XYLT1: variants seen among roughly 807,000 people sequenced by gnomAD.
XYLT1 encodes the protein beta-D-xylosyltransferase 1.
A neutral mutation model predicts 91.3 loss-of-function variants in XYLT1; 36 were observed. That is an observed-to-expected ratio of 0.39 (90% confidence interval 0.30 to 0.52). The LOEUF (loss-of-function observed/expected upper bound fraction) is 0.52. Among genes scored for constraint, XYLT1 ranks in the 20% least tolerant of loss-of-function variants. XYLT1 has a pLI of 0.68. For missense variants in XYLT1, 1,242 were observed against 1,284.5 expected (o/e 0.97, Z 0.51); for synonymous variants, 588 against 532.0 (o/e 1.11, Z -1.45).
chr16:17,259,492 A>G lies in XYLT1; in HGVS notation c.409T>C (p.Tyr137His), dbSNP rs772826862. Residue 137 changes from tyrosine to histidine, a missense_variant, in exon 3 of 12, where the codon TAC (tyrosine) becomes CAC (histidine). Around this residue, in one of 3 missense-constraint regions of XYLT1, gnomAD observed 437 missense variants for 411.5 expected, o/e 1.06. Coordinates refer to ENST00000261381, the MANE Select transcript of XYLT1 (RefSeq NM_022166.4). ...PLITLETQDG[Y>H]FSHRPKEKVR... Reference sequence around the variant, plus strand: ...TTCTCTTTCGGCCGATGAGAAAAGTAGCCATCCTGGAGAAGAGGGGAGAGA... The same window carrying G: ...TTCTCTTTCGGCCGATGAGAAAAGTGGCCATCCTGGAGAAGAGGGGAGAGA... 1 of 1,606,240 alleles carries G rather than the reference A, an allele frequency of 6.2e-7. No individual in the cohort carries two copies. Among genetic ancestry groups the G allele is most frequent in the South Asian group, 1.1e-5 (1 of 91,040 alleles).
intron 7 of XYLT1, 40 bp from the exon 8 acceptor site, chr16:17,138,571 G>GCCTCCCACAGATGAAC: frequency 6.3e-7 from 1 of 1,596,846 alleles, no homozygotes. Flanking sequence ...ACCTCTCCCA[G>GCCTCCCACAGATGAAC]CCTCCCACAG....
At chr16:17,449,580 C>A (rs895101280) in intron 1 of XYLT1, among the ~76,000 whole-genome samples, 1 of 152,236 alleles carries the variant, frequency 6.6e-6, no homozygotes, top group Non-Finnish European at 1.5e-5. Flanking sequence ...CTGTGCCTCA[C>A]TTCCTCTGTC....
At chr16:17,137,978 AT>A (rs1438284155) in intron 8 of XYLT1, among the ~76,000 whole-genome samples, 1 of 152,178 alleles carries the variant, frequency 6.6e-6, no homozygotes, top group Non-Finnish European at 1.5e-5. Context: ...TTAAAAGCAT[AT>A]TCCTGGGTAC....
chr16:17,292,142 GT>G (rs1045999072), intron 2 of XYLT1, among the ~76,000 whole-genome samples: 13 of 151,598 alleles, frequency 8.6e-5, no homozygotes, highest in Non-Finnish European at 1.8e-4. Flanking sequence ...CTATATATAT[GT>G]TTTTTGAAAG....
At position 17,306,557 on chromosome 16, in the gene XYLT1, G is replaced by GATATATATATATATAT. The variant is rs35971345; in HGVS notation, c.403-47075_403-47060dup. 1.3e-3 allele frequency among the ~76,000 whole-genome samples: 185 copies of GATATATATATATATAT among 146,534 alleles called. 1 individual carries two copies. The highest frequency in any genetic ancestry group is 5.6e-3 in the Admixed American group (82 of 14,636). The stretch of plus-strand genomic sequence containing the variant: ...GTGACAGAGTGAGACTGTCACAAAA[G>GATATATATATATATAT]ATATATATATATATATATATTCCCT... On this transcript the variant is annotated intron_variant, in intron 2 of 11. Coordinates refer to ENST00000261381, the MANE Select transcript of XYLT1 (RefSeq NM_022166.4).
intron 6 of XYLT1, among the ~76,000 whole-genome samples, chr16:17,155,237 C>A (rs1425913458): frequency 6.6e-6 from 1 of 152,182 alleles, no homozygotes; most frequent in Non-Finnish European, 1.5e-5. Context: ...GTAACTTCAT[C>A]TTTTTGAGTC....
At chr16:17,250,671 G>A (rs1453692120) in intron 3 of XYLT1, 77 of 152,256 alleles carry the variant, frequency 5.1e-4, no homozygotes, top group Admixed American at 5.0e-3. Context: ...CAAGCCCAAG[G>A]AAGACCTTTG....
intron 10 of XYLT1, among the ~76,000 whole-genome samples, chr16:17,118,804 C>G (rs1317033713): frequency 3.3e-5 from 5 of 152,106 alleles, no homozygotes; most frequent in Non-Finnish European, 7.3e-5. Flanking sequence ...CTCCATGACC[C>G]CCTCCCCATC....
chr16:17,408,569 G>A (rs749249842), intron 1 of XYLT1, among the ~76,000 whole-genome samples: 2 of 152,244 alleles, frequency 1.3e-5, no homozygotes, highest in Non-Finnish European at 2.9e-5. Context: ...GAATAGGCCG[G>A]GGATGGTGGC....
chr16:17,319,274 G>C (rs1217550537), intron 2 of XYLT1, among the ~76,000 whole-genome samples: 1 of 152,144 alleles, frequency 6.6e-6, no homozygotes, highest in Non-Finnish European at 1.5e-5. Context: ...AAATGATCTT[G>C]AAACATTTGT....
intron 1 of XYLT1, among the ~76,000 whole-genome samples, chr16:17,432,274 G>A (rs2036401920): frequency 2.0e-5 from 3 of 152,302 alleles, no homozygotes; most frequent in South Asian, 2.1e-4. Context: ...CTATGCAAAT[G>A]CTCATAGCAG....
rs569686019 is a variant in XYLT1 at position 17,132,035 on chromosome 16, C to T, written c.2027+2438G>A. 1.5e-3 allele frequency among the ~76,000 whole-genome samples: 234 copies of T among 152,320 alleles called. 1 individual carries two copies. Among genetic ancestry groups the T allele is most frequent in the African/African-American group, 5.4e-3 (224 of 41,570 alleles). ...TTCCAAAATGAATACTAGGGAGCAA[C>T]CTTCAACAACCCTAGATAAATTGGG... On this transcript the variant is annotated intron_variant, in intron 9 of 11. Transcript: ENST00000261381.
chr16:17,232,429 G>GTGTGTGTATATATATATATA (rs1194509016), intron 3 of XYLT1, among the ~76,000 whole-genome samples: 3 of 121,726 alleles, frequency 2.5e-5, no homozygotes, highest in Admixed American at 9.3e-5. Context: ...GTGTGTGTGT[G>GTGTGTGTATATATATATATA]TATATATATA....
At chr16:17,454,465 A>G (rs2036708951) in intron 1 of XYLT1, among the ~76,000 whole-genome samples, 1 of 152,218 alleles carries the variant, frequency 6.6e-6, no homozygotes, top group African/African-American at 2.4e-5. Context: ...GTCATAGCAC[A>G]AAAGCGGCCA....
chr16:17,390,096 A>T (rs1349885878), intron 1 of XYLT1, among the ~76,000 whole-genome samples: 1 of 152,176 alleles, frequency 6.6e-6, no homozygotes, highest in Non-Finnish European at 1.5e-5. Context: ...GAGGGGAATA[A>T]AACGTCAGGG....
At chr16:17,376,009 T>C (rs2035596522) in intron 1 of XYLT1, among the ~76,000 whole-genome samples, 1 of 152,252 alleles carries the variant, frequency 6.6e-6, no homozygotes, top group Non-Finnish European at 1.5e-5. Context: ...GAGCCTGTAC[T>C]GTTAATAAAC....
intron 1 of XYLT1, among the ~76,000 whole-genome samples, chr16:17,376,935 G>A (rs563719651): frequency 1.3e-5 from 2 of 152,100 alleles, no homozygotes; most frequent in East Asian, 1.9e-4. Flanking sequence ...CCAGCACTGT[G>A]GGAGGCCAAA....
At chr16:17,398,712 C>G (rs1213437438) in intron 1 of XYLT1, among the ~76,000 whole-genome samples, 1 of 151,694 alleles carries the variant, frequency 6.6e-6, no homozygotes, top group Non-Finnish European at 1.5e-5. Flanking sequence ...TGGTGGTCTG[C>G]TGGGAATCTT....
At chr16:17,455,031 T>C (rs1224074321) in intron 1 of XYLT1, among the ~76,000 whole-genome samples, 2 of 149,724 alleles carry the variant, frequency 1.3e-5, no homozygotes, top group Non-Finnish European at 2.9e-5. Context: ...TGGACAGAGA[T>C]AAAACTCCCA....
Sources: allele counts gnomAD v4.1 joint callset (sites outside exome capture counted in the v4.1 genomes callset), GRCh38; gene constraint gnomAD v4.1.1; regional missense constraint gnomAD v4.1.1; transcripts MANE v1.5; gene names NCBI Gene and HGNC (gene_info 2026-07-23, HGNC 2026-07-21).